Variants in DLG2 observed in about 807,000 individuals in gnomAD.
DLG2 encodes the protein discs large MAGUK scaffold protein 2.
In DLG2, 45 loss-of-function variants were observed where a neutral mutation model predicts 132.5. The ratio of observed to expected loss-of-function variants is 0.34; its 90% CI spans 0.27 to 0.44. The LOEUF is 0.44. Ranked by LOEUF, DLG2 falls within the 20% of genes least tolerant of loss-of-function variation. The pLI is 1.00. For missense variants in DLG2, 1,045 were observed against 1,196.9 expected (o/e 0.87, Z 1.87); for synonymous variants, 424 against 419.6 (o/e 1.01, Z -0.13).
rs77052776 is a variant in DLG2 at position 85,286,189 on chromosome 11, T to C, written c.41-824A>G. Reference sequence around the variant, plus strand: ...CTCTAGTTGGTAAACTTGTGTCCTGTTGGGTACAGATGAACAATTCTGAAA... The same window carrying C: ...CTCTAGTTGGTAAACTTGTGTCCTGCTGGGTACAGATGAACAATTCTGAAA... On this transcript the variant is annotated intron_variant, in intron 3 of 27. Coordinates refer to ENST00000376104, the MANE Select transcript of DLG2 (RefSeq NM_001142699.3). 6.2e-3 allele frequency: 2,501 copies of C among 401,378 alleles called. 58 individuals carry two copies. Among genetic ancestry groups the C allele is most frequent in the African/African-American group, 0.05 (2,319 of 46,342 alleles). 24.9% of individuals were successfully genotyped at this position (401,378 alleles called of 1,614,324 possible).
In DLG2 at chr11:84,381,881, G is replaced by A. The variant is rs1009046067; in HGVS notation, c.520-130590C>T. Among the ~76,000 whole-genome samples, 7 of 152,290 alleles carry A rather than the reference G, an allele frequency of 4.6e-5. No homozygotes were observed. The East Asian group carries it at 1.4e-3, about 29-fold the overall frequency. On this transcript the variant is annotated intron_variant, in intron 7 of 27. Transcript: ENST00000376104. Reference sequence around the variant, plus strand: ...TAGATTGTCTATCTGCCTCCTGTAAGGGGGAAGCATCTGCCTGAAGGCATA... The same window carrying A: ...TAGATTGTCTATCTGCCTCCTGTAAAGGGGAAGCATCTGCCTGAAGGCATA...
At chr11:84,901,859 C>A (rs954540852) in intron 6 of DLG2, among the ~76,000 whole-genome samples, 18 of 151,804 alleles carry the variant, frequency 1.2e-4, no homozygotes, top group African/African-American at 4.4e-4. Context: ...TATTGTACCA[C>A]ACAGTTTACT....
intron 6 of DLG2, among the ~76,000 whole-genome samples, chr11:84,801,905 C>T (rs1376994731): frequency 6.6e-6 from 1 of 152,168 alleles, no homozygotes; most frequent in African/African-American, 2.4e-5. Context: ...GAATTTCCCA[C>T]GTTCTTTGTT....
intron 11 of DLG2, among the ~76,000 whole-genome samples, chr11:84,058,655 C>A (rs2096543821): frequency 6.6e-6 from 1 of 151,480 alleles, no homozygotes. Flanking sequence ...CCACTGCACT[C>A]TAGCCTGGGC....
intron 6 of DLG2, among the ~76,000 whole-genome samples, chr11:84,544,050 A>C (rs1258768568): frequency 2.6e-5 from 4 of 152,174 alleles, no homozygotes; most frequent in Non-Finnish European, 5.9e-5. Flanking sequence ...ATCCTTTTTA[A>C]GGAACTGATG....
chr11:84,448,341 T>C (rs1447594359), intron 7 of DLG2, among the ~76,000 whole-genome samples: 15 of 152,196 alleles, frequency 9.9e-5, no homozygotes, highest in Admixed American at 8.5e-4. Flanking sequence ...ACATAATCAA[T>C]TCCTTATGAG....
chr11:84,442,695 A>G (rs1484626346), intron 7 of DLG2, among the ~76,000 whole-genome samples: 4 of 141,120 alleles, frequency 2.8e-5, no homozygotes, highest in Non-Finnish European at 4.5e-5. Flanking sequence ...GAACTTAAGT[A>G]TAATTAAAAA....
intron 6 of DLG2, among the ~76,000 whole-genome samples, chr11:84,877,771 G>A (rs942847864): frequency 1.3e-5 from 2 of 152,064 alleles, no homozygotes; most frequent in Non-Finnish European, 2.9e-5. Context: ...TCATCAGAGT[G>A]AACAGGCAAC....
At chr11:83,937,974 C>T (rs1343811975) in intron 14 of DLG2, among the ~76,000 whole-genome samples, 1 of 151,984 alleles carries the variant, frequency 6.6e-6, no homozygotes, top group South Asian at 2.1e-4. Context: ...AGTGTGCTAT[C>T]TGAAGAAGAA....
At chr11:83,921,851 CT>C (rs34008073) in intron 15 of DLG2, among the ~76,000 whole-genome samples, 93,509 of 151,844 alleles carry the variant, frequency 0.62, 29,610 homozygotes, top group East Asian at 0.91. Context: ...TCACTTTTAA[CT>C]TTTTTTTAAA....
intron 3 of DLG2, among the ~76,000 whole-genome samples, chr11:85,403,422 T>C (rs2088387748): frequency 6.6e-6 from 1 of 151,964 alleles, no homozygotes; most frequent in African/African-American, 2.4e-5. Flanking sequence ...CAAACCAACA[T>C]GGCTCATGTG....
chr11:84,772,488 T>TATAC (rs1447980811), intron 6 of DLG2, among the ~76,000 whole-genome samples: 2 of 152,154 alleles, frequency 1.3e-5, no homozygotes, highest in Non-Finnish European at 1.5e-5. Flanking sequence ...AACCACAGAA[T>TATAC]ATACATTCTT....
intron 10 of DLG2, among the ~76,000 whole-genome samples, chr11:84,059,926 T>A (rs2096564279): frequency 6.6e-6 from 1 of 152,164 alleles, no homozygotes; most frequent in African/African-American, 2.4e-5. Flanking sequence ...AATTTTTAAT[T>A]TACTAGTTAT....
chr11:84,479,718 T>C (rs1039049406), intron 7 of DLG2, among the ~76,000 whole-genome samples: 2 of 152,114 alleles, frequency 1.3e-5, no homozygotes, highest in African/African-American at 4.8e-5. Context: ...AAAAAATATA[T>C]TTTTAATTGA....
intron 8 of DLG2, among the ~76,000 whole-genome samples, chr11:84,195,706 G>A (rs577996357): frequency 9.9e-5 from 15 of 152,232 alleles, no homozygotes; most frequent in African/African-American, 2.2e-4. Flanking sequence ...ACATGTTTGC[G>A]CATATGTCAC....
intron 18 of DLG2, among the ~76,000 whole-genome samples, chr11:83,645,391 A>C (rs896709103): frequency 6.6e-6 from 1 of 152,124 alleles, no homozygotes; most frequent in Non-Finnish European, 1.5e-5. Context: ...GAAGCAATTT[A>C]TACACCAGAG....
chr11:83,960,877 A>G (rs1462331228), intron 14 of DLG2, among the ~76,000 whole-genome samples: 2 of 151,952 alleles, frequency 1.3e-5, no homozygotes, highest in Non-Finnish European at 2.9e-5. Context: ...GTGTATGTTT[A>G]TGTGTGTGAA....
At chr11:84,246,706 T>G (rs1212438260) in intron 8 of DLG2, among the ~76,000 whole-genome samples, 3 of 152,148 alleles carry the variant, frequency 2.0e-5, no homozygotes, top group Admixed American at 6.5e-5. Flanking sequence ...GCCTGATAGT[T>G]AAGATGGAAA....
chr11:84,822,023 T>C (rs1276134545), intron 6 of DLG2, among the ~76,000 whole-genome samples: 1 of 151,882 alleles, frequency 6.6e-6, no homozygotes. Context: ...TGCTACATAC[T>C]GGTAAACAGA....
Sources: gnomAD v4.1 joint callset for allele counts (sites outside exome capture counted in the v4.1 genomes callset) on GRCh38, gnomAD v4.1.1 for gene constraint, MANE v1.5 for transcripts, NCBI Gene and HGNC (gene_info 2026-07-23, HGNC 2026-07-21) for gene names.